Variants in DPY19L4 observed in about 807,000 individuals in gnomAD.
DPY19L4 encodes the protein probable C-mannosyltransferase DPY19L4.
Under a neutral mutation model 102.8 loss-of-function variants are expected in DPY19L4, and 97 were observed. The observed-to-expected ratio is 0.94, with a 90% CI of 0.80 to 1.12. The LOEUF is 1.12. Among genes scored for constraint, DPY19L4 ranks in the 50% most tolerant of loss-of-function variants. DPY19L4 has a pLI of 0.00. For missense variants in DPY19L4, 815 were observed against 850.4 expected (o/e 0.96, Z 0.52); for synonymous variants, 252 against 283.1 (o/e 0.89, Z 1.10).
chr8:94,765,397 T>A, intron 9 of DPY19L4, 83 bp downstream of exon 9: 1 of 1,355,264 alleles, frequency 7.4e-7, no homozygotes, highest in Non-Finnish European at 1.0e-6. Flanking sequence ...CAGGCTGGAG[T>A]ACATCTCAGC....
chr8:94,742,565 T>C (rs1811493560), intron 6 of DPY19L4, among the ~76,000 whole-genome samples: 1 of 149,110 alleles, frequency 6.7e-6, no homozygotes, highest in Non-Finnish European at 1.5e-5. Context: ...GCTAATTTTT[T>C]TTTTTTTTTT....
At chr8:94,760,466 A>G (rs931226264) in intron 7 of DPY19L4, among the ~76,000 whole-genome samples, 2 of 152,134 alleles carry the variant, frequency 1.3e-5, no homozygotes, top group African/African-American at 4.8e-5. Context: ...AGTTGGTGTT[A>G]TTTGCCCAAC....
At chr8:94,756,219 C>T (rs1281274786) in intron 7 of DPY19L4, 60 bp downstream of exon 7, 3 of 1,570,438 alleles carry the variant, frequency 1.9e-6, no homozygotes, top group Non-Finnish European at 2.6e-6. Flanking sequence ...AAATGTGGCA[C>T]ATAATAGCAA....
intron 17 of DPY19L4, among the ~76,000 whole-genome samples, chr8:94,785,067 A>G (rs1038094813): frequency 6.6e-6 from 1 of 152,184 alleles, no homozygotes; most frequent in African/African-American, 2.4e-5. Flanking sequence ...TAATATAGAG[A>G]TTAAGAATGC....
chr8:94,734,137 G>A (rs187874970), intron 2 of DPY19L4, among the ~76,000 whole-genome samples: 205 of 145,034 alleles, frequency 1.4e-3, no homozygotes, highest in African/African-American at 5.1e-3. Context: ...TCGGCTTACT[G>A]CAACCTCCAC....
rs1372876339 is a variant in DPY19L4 at position 94,766,544 on chromosome 8, T to C, written c.1102-68T>C. ...CTTGTTGTGTTTTCTGTCTCTAGTA[T>C]TGGGGAAAGCATATGTTTGTAAGCA... is the stretch of plus-strand genomic sequence containing the variant. On this transcript the variant is annotated intron_variant, in intron 10 of 18. Transcript: ENST00000414645. 7.0e-6 allele frequency: 10 copies of C among 1,437,000 alleles called. No homozygotes were observed. The South Asian group carries it at 1.1e-4, about 16-fold the overall frequency. The allele number at this position is 1,437,000 out of a possible 1,614,324, so 89.0% of individuals were successfully genotyped here.
chr8:94,770,365 A>G (rs1812872173), intron 12 of DPY19L4, 87 bp from the exon 13 acceptor site: 1 of 1,349,738 alleles, frequency 7.4e-7, no homozygotes, highest in Non-Finnish European at 9.8e-7. Context: ...AATTTTAGGT[A>G]TGTCCTTCAA....
At chr8:94,722,248 A>C (rs1241028189) in intron 1 of DPY19L4, among the ~76,000 whole-genome samples, 1 of 152,066 alleles carries the variant, frequency 6.6e-6, no homozygotes, top group Non-Finnish European at 1.5e-5. Flanking sequence ...TCTACTAAAA[A>C]ATACAAAAGT....
Position 94,787,989 on chromosome 8 carries a change from C to T in DPY19L4, c.1944C>T (p.Cys648=). Residue 648 remains cysteine, a synonymous_variant, in exon 18 of 19, where the codon TGC becomes TGT. Coordinates refer to ENST00000414645, the MANE Select transcript of DPY19L4 (RefSeq NM_181787.3). ...ACCTAATTGTAGAGGATGCTATCTG[C>T]AATGAGGTGGGACCCATGAGAGGCT... is the stretch of plus-strand genomic sequence containing the variant. ...ANYLIVEDAI[C]NEVGPMRGCR... 2 of 1,520,096 alleles carry T rather than the reference C, an allele frequency of 1.3e-6. No individual in the cohort carries two copies. The highest frequency in any genetic ancestry group is 2.0e-5 in the Admixed American group (1 of 49,114). 94.2% of individuals were successfully genotyped at this position (1,520,096 alleles called of 1,614,324 possible).
intron 2 of DPY19L4, among the ~76,000 whole-genome samples, chr8:94,730,670 A>G (rs1191815707): frequency 5.4e-5 from 8 of 148,718 alleles, no homozygotes; most frequent in African/African-American, 1.5e-4. Context: ...GCTTGAACCC[A>G]GGAGGCAGAG....
At chr8:94,781,056 ATTTT>A (rs36116205) in intron 15 of DPY19L4, 24 bp from the exon 16 acceptor site, 236 of 1,199,972 alleles carry the variant, frequency 2.0e-4, no homozygotes, top group Middle Eastern at 7.1e-4. Context: ...TCTTTTGGGG[ATTTT>A]TTTTTTTTTT....
chr8:94,752,232 T>G (rs1811964133), intron 6 of DPY19L4, among the ~76,000 whole-genome samples: 1 of 152,200 alleles, frequency 6.6e-6, no homozygotes, highest in Admixed American at 6.5e-5. Flanking sequence ...GGGTACCTTT[T>G]CATGTGTTTA....
chr8:94,738,516 C>CTTT, intron 4 of DPY19L4, 57 bp downstream of exon 4: 127 of 779,388 alleles, frequency 1.6e-4, no homozygotes, highest in South Asian at 4.9e-4. Flanking sequence ...CTTTTCTTTT[C>CTTT]TTTTTTTTTT....
chr8:94,761,279 T>G lies in DPY19L4; in HGVS notation c.736-421T>G, dbSNP rs375196807. On this transcript the variant is annotated intron_variant, in intron 7 of 18. Transcript: ENST00000414645. ...GGAAAAATAGGAAATTATTAAAACT[T>G]GAAGCACCATGGAAGTGAAATGTTA... 2.3e-3 allele frequency among the ~76,000 whole-genome samples: 346 copies of G among 152,288 alleles called. 1 individual carries two copies. Among genetic ancestry groups the G allele is most frequent in the Non-Finnish European group, 3.8e-3 (259 of 68,022 alleles).
chr8:94,735,225 T>C (rs1811143103), intron 3 of DPY19L4, among the ~76,000 whole-genome samples: 1 of 152,246 alleles, frequency 6.6e-6, no homozygotes, highest in African/African-American at 2.4e-5. Context: ...CCACAGATTC[T>C]TCAGTCACTA....
chr8:94,730,896 C>T (rs1810922227), intron 2 of DPY19L4, among the ~76,000 whole-genome samples: 1 of 150,076 alleles, frequency 6.7e-6, no homozygotes, highest in Non-Finnish European at 1.5e-5. Context: ...CAGGCATGCA[C>T]CACCACACCC....
chr8:94,772,595 C>T lies in DPY19L4; in HGVS notation c.1454+2024C>T, dbSNP rs542295707. Among the ~76,000 whole-genome samples, 17 of 152,330 alleles carry T rather than the reference C, an allele frequency of 1.1e-4. No homozygotes were observed. In the South Asian group the frequency reaches 1.4e-3, roughly 13 times the overall value. ...ACAGTACACACGGAGTACTGTCAAT[C>T]AGGGAAGCTCACCCATGCTTTGTGT... On this transcript the variant is annotated intron_variant, in intron 13 of 18. Coordinates refer to ENST00000414645, the MANE Select transcript of DPY19L4 (RefSeq NM_181787.3).
intron 17 of DPY19L4, 91 bp downstream of exon 17, chr8:94,783,893 A>G (rs1563618290): frequency 1.3e-5 from 18 of 1,403,712 alleles, no homozygotes; most frequent in African/African-American, 2.9e-5. Flanking sequence ...CTAGGTAGCT[A>G]GGAAAGTCCA....
chr8:94,720,111 G>C (rs1412048268), intron 1 of DPY19L4, 97 bp downstream of exon 1: 4 of 1,410,850 alleles, frequency 2.8e-6, no homozygotes, highest in Non-Finnish European at 3.7e-6. Context: ...GCTGGTGGCC[G>C]CGGTCGCGGT....
Sources: gnomAD v4.1 joint callset for allele counts (sites outside exome capture counted in the v4.1 genomes callset) on GRCh38, gnomAD v4.1.1 for gene constraint, MANE v1.5 for transcripts, NCBI Gene and HGNC (gene_info 2026-07-23, HGNC 2026-07-21) for gene names.